The following CSTF3 variants were observed in gnomAD, a reference collection of about 807,000 sequenced individuals.
CSTF3 encodes the protein cleavage stimulation factor subunit 3, also known as CF-1 77 kDa subunit.
CSTF3 carries 29 observed loss-of-function variants against 105.8 expected under a neutral mutation model. The observed-to-expected ratio is 0.27, with a 90% CI of 0.20 to 0.37. CSTF3 has a LOEUF of 0.37. CSTF3 is among the 10% of genes least tolerant of loss of function. The pLI, the probability that CSTF3 is intolerant of heterozygous loss-of-function variation, is 1.00. For missense variants in CSTF3, 357 were observed against 879.3 expected, an observed-to-expected ratio of 0.41 and a Z score of 7.51; for synonymous variants, 252 against 281.9, an observed-to-expected ratio of 0.89 and a Z score of 1.06.
chr11:33,085,137 G>A lies in CSTF3; in HGVS notation c.2104C>T (p.Pro702Ser). ...DEDEEKGAVVPPVHDIYRARQ... is the reference protein window; with the variant it reads ...DEDEEKGAVVSPVHDIYRARQ... ...GCTCTGTAAATGTCATGAACAGGGG[G>A]GACAACGGCTCCCTTTTCTTCATCT... The change falls in exon 21 of 21, where the codon CCC becomes TCC. Residue 702 changes from proline to serine, a missense_variant. Physicochemically the swap from Pro to Ser is moderately conservative, Grantham distance 74. Around this residue, in one of 4 missense-constraint regions of CSTF3, gnomAD observed 73 missense variants for 105.8 expected, o/e 0.69. Coordinates refer to ENST00000323959, the MANE Select transcript of CSTF3 (RefSeq NM_001326.3). 1 of 1,614,100 alleles carries A rather than the reference G, an allele frequency of 6.2e-7. No homozygotes were observed. Among genetic ancestry groups the A allele is most frequent in the Non-Finnish European group, 8.5e-7 (1 of 1,180,008 alleles).
intron 5 of CSTF3, 22 bp from the exon 6 acceptor site, chr11:33,106,086 T>G: frequency 6.3e-7 from 1 of 1,599,456 alleles, no homozygotes; most frequent in South Asian, 1.1e-5. Context: ...ATGAAAGACG[T>G]GGTTTTTAAA....
At chr11:33,138,950 C>CA (rs1011594233) in intron 3 of CSTF3, among the ~76,000 whole-genome samples, 2 of 151,604 alleles carry the variant, frequency 1.3e-5, no homozygotes, top group African/African-American at 2.4e-5. Flanking sequence ...CACACTACAG[C>CA]AAAAAAATGA....
intron 8 of CSTF3, among the ~76,000 whole-genome samples, chr11:33,103,583 C>G (rs770990548): frequency 6.6e-6 from 1 of 152,080 alleles, no homozygotes. Context: ...GCCTGGCCAA[C>G]ATGGTGAAAC....
chr11:33,116,483 A>C (rs1322712292), intron 3 of CSTF3, among the ~76,000 whole-genome samples: 1 of 152,226 alleles, frequency 6.6e-6, no homozygotes, highest in East Asian at 1.9e-4. Flanking sequence ...TTAATGAAAA[A>C]AAGGAGTCTG....
intron 13 of CSTF3, among the ~76,000 whole-genome samples, chr11:33,097,655 C>T (rs1326735160): frequency 6.6e-6 from 1 of 152,192 alleles, no homozygotes; most frequent in Non-Finnish European, 1.5e-5. Flanking sequence ...GTGTGAGCTA[C>T]CGCGCCCAGC....
intron 3 of CSTF3, among the ~76,000 whole-genome samples, chr11:33,109,677 G>T (rs941430997): frequency 2.6e-5 from 4 of 152,186 alleles, no homozygotes; most frequent in Admixed American, 2.6e-4. Flanking sequence ...TGCCTAGCAG[G>T]TTGAGCACTG....
At chr11:33,103,269 A>G in intron 8 of CSTF3, 85 bp from the exon 9 acceptor site, 1 of 588,366 alleles carries the variant, frequency 1.7e-6, no homozygotes, top group Non-Finnish European at 2.8e-6. Flanking sequence ...TTTACTAAAT[A>G]ACTTTAAATT....
rs1008239384 is a variant in CSTF3 at position 33,099,521 on chromosome 11, AC to A, written c.936+86del. 2.1e-5 allele frequency: 19 copies of A among 889,686 alleles called. No homozygotes were observed. The African/African-American group carries it at 3.3e-4, about 15-fold the overall frequency. 55.1% of individuals were successfully genotyped at this position (889,686 alleles called of 1,614,324 possible). On this transcript the variant is annotated intron_variant, in intron 11 of 20. Transcript: ENST00000323959. This position sits in a 1 kb window ranked among gnomAD's most constrained non-coding sequence, Gnocchi z 4.1. ...AAATTTTCAATACTTATGCTTTATT[AC>A]CAAAATTCAGTTATATTTTTCAGTA...
At chr11:33,111,277 T>C (rs1270587632) in intron 3 of CSTF3, among the ~76,000 whole-genome samples, 1 of 152,176 alleles carries the variant, frequency 6.6e-6, no homozygotes, top group African/African-American at 2.4e-5. Context: ...TGTACAAGAT[T>C]ACTTACTGTA....
intron 1 of CSTF3, among the ~76,000 whole-genome samples, chr11:33,149,550 C>T (rs889680151): frequency 2.0e-5 from 3 of 152,154 alleles, no homozygotes; most frequent in African/African-American, 4.8e-5. Context: ...ACTGGGCCTC[C>T]ATAAGGAATG....
chr11:33,148,856 C>CTG (rs528125568), intron 1 of CSTF3, among the ~76,000 whole-genome samples: 1,274 of 126,398 alleles, frequency 0.01, 4 homozygotes, highest in Non-Finnish European at 0.014. Context: ...TGTACTGTTG[C>CTG]TGTGTTTTTT....
At position 33,103,156 on chromosome 11, in the gene CSTF3, AT is replaced by A. The variant is rs1300471016; in HGVS notation, c.613del (p.Met205Ter). 17 of 1,566,786 alleles carry A rather than the reference AT, an allele frequency of 1.1e-5. No homozygotes were observed. The highest frequency in any genetic ancestry group is 5.9e-5 in the Admixed American group (3 of 51,242). Reference protein sequence around the residue: ...EGINIHLAKKMIEDRSRDYMN... With the variant: ...EGINIHLAKKXIEDRSRDYMN... ...ATAATCTCTACTCCGATCTTCAATCATTTTTTTAGCTAAATGAATATTGATA... is the reference window on the plus strand; with the variant it reads ...ATAATCTCTACTCCGATCTTCAATCATTTTTTAGCTAAATGAATATTGATA... On this transcript the variant is annotated frameshift_variant, in exon 9 of 21. Transcript: ENST00000323959. LOFTEE classifies it high-confidence loss of function.
At chr11:33,143,834 CA>C (rs1197510688) in intron 1 of CSTF3, among the ~76,000 whole-genome samples, 3 of 151,354 alleles carry the variant, frequency 2.0e-5, no homozygotes, top group African/African-American at 7.3e-5. Context: ...ACTAAAAACA[CA>C]AAAAATTAGC....
chr11:33,129,020 A>C (rs1303222315), intron 3 of CSTF3, among the ~76,000 whole-genome samples: 2 of 152,208 alleles, frequency 1.3e-5, no homozygotes, highest in African/African-American at 4.8e-5. Context: ...GATACTGGAA[A>C]AGTTAATAAA....
At chr11:33,145,224 C>G (rs1271446117) in intron 1 of CSTF3, among the ~76,000 whole-genome samples, 1 of 151,822 alleles carries the variant, frequency 6.6e-6, no homozygotes, top group East Asian at 1.9e-4. Context: ...TTGCTTGAGC[C>G]CAGGAGTCTG....
At position 33,141,731 on chromosome 11, in the gene CSTF3, T is replaced by TA; in HGVS notation, c.160dup (p.Tyr54LeufsTer2). The TA allele has an allele frequency of 1.2e-6, 2 of 1,610,186 alleles. No individual in the cohort carries two copies. Among genetic ancestry groups the TA allele is most frequent in the Non-Finnish European group, 1.7e-6 (2 of 1,178,988 alleles). On this transcript the variant is annotated frameshift_variant, in exon 3 of 21. Coordinates refer to ENST00000323959, the MANE Select transcript of CSTF3 (RefSeq NM_001326.3). LOFTEE classifies it high-confidence loss of function. ...GGGGAACTGGGCAACAAGGCGTTCA[T>TA]AAGTCTTCCGTGCTTTGTCTATAGG...
intron 3 of CSTF3, among the ~76,000 whole-genome samples, chr11:33,119,781 T>G (rs1170656442): frequency 4.0e-5 from 6 of 151,836 alleles, no homozygotes; most frequent in Admixed American, 1.3e-4. Flanking sequence ...AATCAACATT[T>G]GTATTATGAC....
intron 3 of CSTF3, among the ~76,000 whole-genome samples, chr11:33,134,094 C>A (rs1044399962): frequency 6.6e-6 from 1 of 152,124 alleles, no homozygotes; most frequent in Non-Finnish European, 1.5e-5. Context: ...AAAAAAGATT[C>A]AGTAAAGCAC....
At chr11:33,095,546 G>A (rs1184265208) in intron 15 of CSTF3, among the ~76,000 whole-genome samples, 1 of 152,094 alleles carries the variant, frequency 6.6e-6, no homozygotes, top group Non-Finnish European at 1.5e-5. Flanking sequence ...AACCGGCCGG[G>A]CGCGGTGGCT....
Sources: gnomAD v4.1 joint callset for allele counts (sites outside exome capture counted in the v4.1 genomes callset) on GRCh38, gnomAD v4.1.1 for gene constraint, gnomAD v4.1.1 regional missense constraint, Gnocchi (gnomAD v3.1) non-coding constraint, MANE v1.5 for transcripts, NCBI Gene and HGNC (gene_info 2026-07-23, HGNC 2026-07-21) for gene names.